The following MTX2 variants were observed in gnomAD, a reference collection of about 807,000 sequenced individuals.
MTX2 encodes metaxin-2.
MTX2 carries 35 observed loss-of-function variants against 42.3 expected under a neutral mutation model. That is an observed-to-expected ratio of 0.83 (90% CI 0.63 to 1.10). The LOEUF is 1.10. Among genes scored for constraint, MTX2 ranks in the 50% least tolerant of loss-of-function variants. The probability of loss-of-function intolerance (pLI) is 0.00; values close to 1 mark genes in which losing one functional copy is unlikely to be tolerated. For missense variants in MTX2, 307 were observed against 304.1 expected (o/e 1.01, Z -0.07); for synonymous variants, 119 against 100.9 (o/e 1.18, Z -1.08).
chr2:176,269,493 T>C lies in MTX2; in HGVS notation c.-137T>C, dbSNP rs1057507598. 15 of 960,482 alleles carry C rather than the reference T, an allele frequency of 1.6e-5. No homozygotes were observed. The highest frequency in any genetic ancestry group is 3.5e-5 in the African/African-American group (2 of 57,740). 59.5% of individuals were successfully genotyped at this position (960,482 alleles called of 1,614,324 possible). On this transcript the variant is annotated 5_prime_UTR_variant, in exon 1 of 10. Transcript: ENST00000249442. ...TTGGGGGCCTCACTGCAGCCGCCGCTGCTGTTGGAGTGGGCTTTGCGAGTC... is the reference window on the plus strand; with the variant it reads ...TTGGGGGCCTCACTGCAGCCGCCGCCGCTGTTGGAGTGGGCTTTGCGAGTC...
chr2:176,273,951 T>C (rs1692885046), intron 1 of MTX2, among the ~76,000 whole-genome samples: 1 of 152,088 alleles, frequency 6.6e-6, no homozygotes, highest in African/African-American at 2.4e-5. Flanking sequence ...AACATTTTGT[T>C]GGTTTCTCAT....
At chr2:176,310,770 A>G (rs749025561) in intron 3 of MTX2, among the ~76,000 whole-genome samples, 11 of 152,134 alleles carry the variant, frequency 7.2e-5, no homozygotes, top group Non-Finnish European at 1.5e-4. Flanking sequence ...GGTCTTCTCT[A>G]CACTGTTTAT....
At chr2:176,281,386 C>T (rs1332977680) in intron 1 of MTX2, among the ~76,000 whole-genome samples, 1 of 152,102 alleles carries the variant, frequency 6.6e-6, no homozygotes, top group Non-Finnish European at 1.5e-5. Flanking sequence ...AGGACTTTGG[C>T]TGGGGTTGTT....
intron 4 of MTX2, among the ~76,000 whole-genome samples, chr2:176,325,233 A>G (rs936668135): frequency 4.0e-5 from 6 of 151,718 alleles, no homozygotes; most frequent in African/African-American, 1.5e-4. Context: ...TTTAAAAGTG[A>G]TTATTCTGTC....
chr2:176,311,196 C>T (rs1180509216), intron 3 of MTX2, among the ~76,000 whole-genome samples: 1 of 152,174 alleles, frequency 6.6e-6, no homozygotes, highest in African/African-American at 2.4e-5. Flanking sequence ...GAGGTCCACT[C>T]CAGACCCTGT....
chr2:176,296,880 A>G lies in MTX2; in HGVS notation c.61A>G (p.Asn21Asp). 1 of 1,613,628 alleles carries G rather than the reference A, an allele frequency of 6.2e-7. No homozygotes were observed. Among genetic ancestry groups the G allele is most frequent in the Non-Finnish European group, 8.5e-7 (1 of 1,179,712 alleles). ...CATAGCTGCAGAACCTTGGCCTGAA[A>G]ATGCTACATTATATCAGCAATTGAA... The part of the protein sequence containing the change: ...QIAAAEPWPE[N>D]ATLYQQLKGE... The change falls in exon 2 of 10, where the codon AAT becomes GAT. Residue 21 changes from asparagine to aspartate, a missense_variant. Physicochemically the swap from Asn to Asp is conservative, Grantham distance 23. Transcript: ENST00000249442.
At chr2:176,308,755 T>C (rs1684218975) in intron 3 of MTX2, among the ~76,000 whole-genome samples, 1 of 152,334 alleles carries the variant, frequency 6.6e-6, no homozygotes, top group East Asian at 1.9e-4. Context: ...TGTCATTTTT[T>C]ATTGTGTCTA....
intron 3 of MTX2, among the ~76,000 whole-genome samples, chr2:176,300,240 T>G (rs1490724660): frequency 6.6e-6 from 1 of 152,118 alleles, no homozygotes; most frequent in African/African-American, 2.4e-5. Context: ...AATTCTCTGT[T>G]ACTATTCTCT....
At position 176,325,371 on chromosome 2, in the gene MTX2, A is replaced by C. The variant is rs995151211; in HGVS notation, c.209-1454A>C. ...ATATAACATTGGCTCCATTTTCATT[A>C]AGCAGGCTAGTGACAGAAAACATTA... On this transcript the variant is annotated intron_variant, in intron 4 of 9. Transcript: ENST00000249442. Among the ~76,000 whole-genome samples, 5 of 151,688 alleles carry C rather than the reference A, an allele frequency of 3.3e-5. 1 individual carries two copies. In the Middle Eastern group the frequency reaches 9.5e-3, roughly 288 times the overall value.
At chr2:176,305,082 G>A (rs750064003) in intron 3 of MTX2, among the ~76,000 whole-genome samples, 9 of 151,832 alleles carry the variant, frequency 5.9e-5, no homozygotes, top group Non-Finnish European at 1.3e-4. Flanking sequence ...TATTGCTTAG[G>A]TGCAACTAAA....
chr2:176,270,905 A>G (rs1692790305), intron 1 of MTX2, among the ~76,000 whole-genome samples: 1 of 152,158 alleles, frequency 6.6e-6, no homozygotes, highest in African/African-American at 2.4e-5. Flanking sequence ...TTCTGCTTTT[A>G]CCATTTATGT....
At chr2:176,305,362 A>G (rs1307514136) in intron 3 of MTX2, among the ~76,000 whole-genome samples, 1 of 152,116 alleles carries the variant, frequency 6.6e-6, no homozygotes, top group African/African-American at 2.4e-5. Context: ...AAAAGAATAT[A>G]TATATTTTTT....
chr2:176,314,019 C>T (rs1425462482), intron 3 of MTX2, among the ~76,000 whole-genome samples: 1 of 152,040 alleles, frequency 6.6e-6, no homozygotes, highest in Non-Finnish European at 1.5e-5. Context: ...GCCCTTTTTA[C>T]CATTTTCTGA....
In MTX2 at chr2:176,323,482, T is replaced by C. The variant is rs78648625; in HGVS notation, c.208+18T>C. On this transcript the variant is annotated intron_variant, in intron 4 of 9. Coordinates refer to ENST00000249442, the MANE Select transcript of MTX2 (RefSeq NM_006554.5). ...TCCATCTGGTAAGTGTGTTTTTTTT[T>C]CTTCTCTGTTAATATTATGGAGTGA... The C allele has an allele frequency of 2.1e-5, 34 of 1,595,006 alleles. No individual in the cohort carries two copies. Among genetic ancestry groups the C allele is most frequent in the South Asian group, 1.4e-4 (13 of 90,272 alleles).
chr2:176,271,931 A>G (rs1398399108), intron 1 of MTX2, among the ~76,000 whole-genome samples: 2 of 152,232 alleles, frequency 1.3e-5, no homozygotes, highest in African/African-American at 2.4e-5. Context: ...AAATTGTCTA[A>G]GAGGTATGTG....
rs577053134 is a variant in MTX2 at position 176,303,417 on chromosome 2, T to A, written c.135+5522T>A. Among the ~76,000 whole-genome samples, 80 of 152,170 alleles carry A rather than the reference T, an allele frequency of 5.3e-4. 1 individual carries two copies. Among genetic ancestry groups the A allele is most frequent in the South Asian group, 3.9e-3 (19 of 4,826 alleles). On this transcript the variant is annotated intron_variant, in intron 3 of 9. Transcript: ENST00000249442. Reference sequence around the variant, plus strand: ...GTGAACATTTATGAGATATAGAGACTTGTAAAGTCCTTTTCAGTATTCCAG... The same window carrying A: ...GTGAACATTTATGAGATATAGAGACATGTAAAGTCCTTTTCAGTATTCCAG...
At chr2:176,327,576 A>T (rs1007629143) in intron 5 of MTX2, among the ~76,000 whole-genome samples, 23 of 145,236 alleles carry the variant, frequency 1.6e-4, no homozygotes, top group South Asian at 6.5e-4. Flanking sequence ...TATATATATT[A>T]TTTTTTTTTT....
intron 3 of MTX2, among the ~76,000 whole-genome samples, chr2:176,306,014 T>G (rs1684134433): frequency 6.6e-6 from 1 of 152,156 alleles, no homozygotes; most frequent in Non-Finnish European, 1.5e-5. Context: ...GCTGCACCCA[T>G]CTACTCATCA....
At chr2:176,308,621 AGGGT>A (rs1684216011) in intron 3 of MTX2, among the ~76,000 whole-genome samples, 1 of 151,960 alleles carries the variant, frequency 6.6e-6, no homozygotes, top group African/African-American at 2.4e-5. Context: ...TAGTCTTGGG[AGGGT>A]GTATGTGTCC....
Sources: allele counts gnomAD v4.1 joint callset (sites outside exome capture counted in the v4.1 genomes callset), GRCh38; gene constraint gnomAD v4.1.1; transcripts MANE v1.5; gene names NCBI Gene and HGNC (gene_info 2026-07-23, HGNC 2026-07-21).